SNX18: variants seen among roughly 807,000 people sequenced by gnomAD.
SNX18 encodes the protein sorting nexin 18, also known as sorting nexin-18.
Under a neutral mutation model 48.7 loss-of-function variants are expected in SNX18, and 35 were observed. The ratio of observed to expected loss-of-function variants is 0.72; its 90% CI spans 0.55 to 0.95. The LOEUF (loss-of-function observed/expected upper bound fraction) is 0.95, where lower values mean the gene tolerates loss of function less well. Among genes scored for constraint, SNX18 ranks in the 40% least tolerant of loss-of-function variants. SNX18 has a pLI of 0.00. For synonymous variants in SNX18, 492 were observed against 384.7 expected (o/e 1.28, Z -3.26); for missense variants, 824 against 871.0 (o/e 0.95, Z 0.68).
the SNX18 span, among the ~76,000 whole-genome samples, chr5:54,594,569 C>A: frequency 1.3e-5 from 2 of 152,118 alleles, no homozygotes; most frequent in Admixed American, 6.6e-5. Context: ...ATCTGCTTTC[C>A]TTCTGGAAGT....
chr5:54,612,614 C>T, the SNX18 span, among the ~76,000 whole-genome samples: 6 of 152,114 alleles, frequency 3.9e-5, no homozygotes, highest in Non-Finnish European at 8.8e-5. Flanking sequence ...CTGGGGCTTA[C>T]GTTTGTCATA....
chr5:54,644,775 G>C, the SNX18 span: 1 of 152,268 alleles, frequency 6.6e-6, no homozygotes, highest in African/African-American at 2.4e-5. Flanking sequence ...GAGACCTTGG[G>C]GTAAACAGAA....
chr5:54,603,429 G>A, the SNX18 span, among the ~76,000 whole-genome samples: 7 of 151,990 alleles, frequency 4.6e-5, no homozygotes, highest in Admixed American at 6.6e-5. Flanking sequence ...CCTAAGGACT[G>A]TTATCTGATC....
the SNX18 span, among the ~76,000 whole-genome samples, chr5:54,616,913 G>T: frequency 6.6e-6 from 1 of 152,170 alleles, no homozygotes; most frequent in South Asian, 2.1e-4. Flanking sequence ...CCTGTGCTGG[G>T]ACAAGCCAAT....
chr5:54,577,652 G>A, the SNX18 span, among the ~76,000 whole-genome samples: 1 of 152,216 alleles, frequency 6.6e-6, no homozygotes, highest in Non-Finnish European at 1.5e-5. Context: ...CTCAGGAAGA[G>A]GGACGCTAGA....
chr5:54,584,839 A>T, the SNX18 span, among the ~76,000 whole-genome samples: 1 of 152,066 alleles, frequency 6.6e-6, no homozygotes, highest in Non-Finnish European at 1.5e-5. Flanking sequence ...GAGTACCAAG[A>T]CCTCTTCCGA....
downstream of SNX18, among the ~76,000 whole-genome samples, chr5:54,547,961 T>C (rs900814595): frequency 2.0e-5 from 3 of 152,140 alleles, no homozygotes; most frequent in African/African-American, 7.2e-5. Flanking sequence ...GGTAGACTTC[T>C]AGGCAGCGTA....
chr5:54,586,396 C>T, the SNX18 span, among the ~76,000 whole-genome samples: 1 of 152,018 alleles, frequency 6.6e-6, no homozygotes, highest in East Asian at 1.9e-4. Flanking sequence ...CTATATTAGT[C>T]CATTTTCTGC....
the SNX18 span, among the ~76,000 whole-genome samples, chr5:54,598,370 C>T: frequency 2.0e-5 from 3 of 152,196 alleles, no homozygotes; most frequent in African/African-American, 7.2e-5. Flanking sequence ...GGAGGGACTC[C>T]TCCCTAACTC....
At chr5:54,605,137 G>A in the SNX18 span, among the ~76,000 whole-genome samples, 1 of 152,256 alleles carries the variant, frequency 6.6e-6, no homozygotes, top group Non-Finnish European at 1.5e-5. Flanking sequence ...CATGAGGGCT[G>A]ACTTCTACTG....
At chr5:54,550,414 T>C (rs1055377218), downstream of SNX18, among the ~76,000 whole-genome samples, 7 of 152,124 alleles carry the variant, frequency 4.6e-5, no homozygotes, top group Non-Finnish European at 8.8e-5. Context: ...ATCCAAAGGA[T>C]GAAAAACTGT....
the SNX18 span, among the ~76,000 whole-genome samples, chr5:54,640,371 A>C: frequency 6.9e-6 from 1 of 145,660 alleles, no homozygotes; most frequent in East Asian, 2.0e-4. Context: ...GTGCCACCAC[A>C]CCTGGCTAAT....
the SNX18 span, among the ~76,000 whole-genome samples, chr5:54,600,261 C>G: frequency 6.6e-6 from 1 of 152,032 alleles, no homozygotes; most frequent in Non-Finnish European, 1.5e-5. Flanking sequence ...AAATGCAAAT[C>G]AAAAAACCAC....
chr5:54,542,636 T>C (rs947695607), intron 1 of SNX18, among the ~76,000 whole-genome samples: 6 of 152,234 alleles, frequency 3.9e-5, no homozygotes, highest in African/African-American at 1.4e-4. Flanking sequence ...CCAAGCACCC[T>C]CCATGACTGT....
At chr5:54,595,513 G>A in the SNX18 span, among the ~76,000 whole-genome samples, 1 of 152,160 alleles carries the variant, frequency 6.6e-6, no homozygotes, top group African/African-American at 2.4e-5. Context: ...GGGATTATAG[G>A]TGTGAGCCAC....
chr5:54,625,191 C>G, the SNX18 span, among the ~76,000 whole-genome samples: 1 of 152,138 alleles, frequency 6.6e-6, no homozygotes, highest in Non-Finnish European at 1.5e-5. Flanking sequence ...TATTCATTTT[C>G]TATTGTGTAT....
the SNX18 span, among the ~76,000 whole-genome samples, chr5:54,614,102 A>G: frequency 8.6e-4 from 131 of 152,348 alleles, 1 homozygote; most frequent in Non-Finnish European, 4.0e-4. Context: ...TTTCTCCTGA[A>G]CAAAAGTTGC....
chr5:54,633,345 G>T, the SNX18 span, among the ~76,000 whole-genome samples: 5 of 152,094 alleles, frequency 3.3e-5, no homozygotes, highest in South Asian at 2.1e-4. Flanking sequence ...TGGAATATAA[G>T]ACATTCACTC....
chr5:54,611,828 T>G, the SNX18 span, among the ~76,000 whole-genome samples: 1 of 151,818 alleles, frequency 6.6e-6, no homozygotes, highest in Admixed American at 6.6e-5. Context: ...TGAGGCAGGG[T>G]GCCTGGAGCA....
Sources: allele counts gnomAD v4.1 joint callset (sites outside exome capture counted in the v4.1 genomes callset), GRCh38; gene constraint gnomAD v4.1.1; transcripts MANE v1.5; gene names NCBI Gene and HGNC (gene_info 2026-07-23, HGNC 2026-07-21).